Variants in UNC13D observed in about 807,000 individuals in gnomAD.
UNC13D encodes the protein unc-13 homolog D.
Under a neutral mutation model 151.7 loss-of-function variants are expected in UNC13D, and 115 were observed. That is an observed-to-expected ratio of 0.76 (90% confidence interval 0.65 to 0.88). The LOEUF (loss-of-function observed/expected upper bound fraction) is 0.88. Among genes scored for constraint, UNC13D ranks in the 40% least tolerant of loss-of-function variants. The pLI is 0.00. For synonymous variants in UNC13D, 588 were observed against 612.2 expected (o/e 0.96, Z 0.58); for missense variants, 1,369 against 1,438.7 (o/e 0.95, Z 0.78).
At position 75,828,772 on chromosome 17, in the gene UNC13D, T is replaced by G. The variant is rs760653269; in HGVS notation, c.3151+15A>C. 8.5e-6 allele frequency: 13 copies of G among 1,523,366 alleles called. No individual in the cohort carries two copies. Among genetic ancestry groups the G allele is most frequent in the Non-Finnish European group, 1.1e-5 (13 of 1,134,008 alleles). The allele number at this position is 1,523,366 out of a possible 1,614,324, so 94.4% of individuals were successfully genotyped here. ...CTCCCGTCCCCGCACCACCCTGCCC[T>G]GGGCTCAGGCCTACCGTTGGGTGCG... is the stretch of plus-strand genomic sequence containing the variant. On this transcript the variant is annotated intron_variant, in intron 31 of 31. Coordinates refer to ENST00000207549, the MANE Select transcript of UNC13D (RefSeq NM_199242.3).
intron 30 of UNC13D, chr17:75,829,749 C>G (rs1487521614): frequency 2.5e-6 from 1 of 401,150 alleles, no homozygotes; most frequent in Non-Finnish European, 4.7e-6. Context: ...CACCATCATG[C>G]CCGGCTAATT....
chr17:75,827,741 C>A lies in UNC13D; in HGVS notation c.*224G>T. 6.7e-7 allele frequency: 1 copy of A among 1,492,858 alleles called. No individual in the cohort carries two copies. 92.5% of individuals were successfully genotyped at this position (1,492,858 alleles called of 1,614,324 possible). On this transcript the variant is annotated 3_prime_UTR_variant, in exon 32 of 32. Transcript: ENST00000207549. ...GTGCTGGGATGTGGTAGAGACATTG[C>A]AGCCAGGGCTGGAGGCAGGGAGGCG... is the stretch of plus-strand genomic sequence containing the variant.
At chr17:75,829,073 G>C in intron 30 of UNC13D, 90 bp from the exon 31 acceptor site, 1 of 1,492,832 alleles carries the variant, frequency 6.7e-7, no homozygotes, top group South Asian at 1.2e-5. Context: ...TTGGGAACCA[G>C]CCAGGGTTTG....
At chr17:75,828,610 C>T (rs2062140035) in intron 31 of UNC13D, among the ~76,000 whole-genome samples, 177 bp downstream of exon 31, 1 of 152,238 alleles carries the variant, frequency 6.6e-6, no homozygotes, top group African/African-American at 2.4e-5. Flanking sequence ...AGTCACGTTA[C>T]ACTTAGCTTA....
At chr17:75,834,300 GT>G (rs1567818176) in intron 23 of UNC13D, 24 bp downstream of exon 23, 1 of 1,591,406 alleles carries the variant, frequency 6.3e-7, no homozygotes, top group Admixed American at 1.7e-5. Flanking sequence ...ATGGGATGGG[GT>G]GACTGTGCGG....
At chr17:75,829,449 C>G (rs2062145412) in intron 30 of UNC13D, among the ~76,000 whole-genome samples, 1 of 150,940 alleles carries the variant, frequency 6.6e-6, no homozygotes, top group Non-Finnish European at 1.5e-5. Context: ...GCGTGTCCCA[C>G]CACACCCAGC....
intron 17 of UNC13D, 33 bp from the exon 18 acceptor site, chr17:75,835,939 C>T: frequency 6.2e-7 from 1 of 1,614,176 alleles, no homozygotes; most frequent in South Asian, 1.1e-5. Context: ...CACCCAGTGG[C>T]ATACACCAGG....
chr17:75,830,605 C>G lies in UNC13D; in HGVS notation c.2682G>C (p.Lys894Asn). ...QAASSRELIR[K>N]YFCSRIQQQA... The stretch of plus-strand genomic sequence containing the variant: ...GCTGCTGGATTCGGCTGCAGAAGTA[C>G]TTCCGGATGAGTTCCCGGCTGGAGG... Residue 894 changes from lysine (K) to asparagine (N), a missense_variant, in exon 28 of 32, where the codon AAG (lysine) becomes AAC (asparagine). Physicochemically the swap from Lys to Asn is moderately conservative, Grantham distance 94. Transcript: ENST00000207549. 6.4e-7 allele frequency: 1 copy of G among 1,559,816 alleles called. No homozygotes were observed.
chr17:75,836,667 G>A lies in UNC13D; in HGVS notation c.1203C>T (p.Ser401=), dbSNP rs1028987648. Residue 401 remains serine (S), a synonymous_variant, in exon 14 of 32, where the codon TCC becomes TCT. Coordinates refer to ENST00000207549, the MANE Select transcript of UNC13D (RefSeq NM_199242.3). ...TGAGGGAGAGGCCGTAGGTCAGCAG[G>A]GAGCTGAATGAGGCGGCCAGCTCCT... ...QQEELAASFS[S]LLTYGLSLIR... The A allele has an allele frequency of 2.5e-6, 4 of 1,613,654 alleles. No homozygotes were observed.
At chr17:75,830,982 C>G (rs2064868140) in intron 27 of UNC13D, 116 bp downstream of exon 27, 2 of 1,249,948 alleles carry the variant, frequency 1.6e-6, no homozygotes, top group Admixed American at 4.8e-5. Flanking sequence ...ATAAGGGGCC[C>G]AGTTTTTCAT....
At position 75,832,652 on chromosome 17, in the gene UNC13D, A is replaced by T. The variant is rs772475775; in HGVS notation, c.2447+314T>A. The T allele has an allele frequency of 3.2e-6, 1 of 312,360 alleles. No homozygotes were observed. Among genetic ancestry groups the T allele is most frequent in the Non-Finnish European group, 6.4e-6 (1 of 156,252 alleles). 19.3% of individuals were successfully genotyped at this position (312,360 alleles called of 1,614,324 possible). A position where few individuals can be genotyped will look rare whatever the true frequency, so the allele number is the denominator to read the frequency against. On this transcript the variant is annotated intron_variant, in intron 25 of 31. Transcript: ENST00000207549. The surrounding 1 kb of genome is among the most constrained non-coding windows in gnomAD (Gnocchi z 4.3). ...AGATTTTGGCTCAGCCTAAGGAAGA[A>T]CTCAAAGCACTCAGAGCTAGGCAGC...
rs117441667 is a variant in UNC13D, at chr17:75,832,712, C to T, written c.2447+254G>A. 1,605 of 433,576 alleles carry T rather than the reference C, an allele frequency of 3.7e-3. 29 individuals are homozygous for T. Among genetic ancestry groups the T allele is most frequent in the Non-Finnish European group, 2.2e-3 (512 of 229,208 alleles). 26.9% of individuals were successfully genotyped at this position (433,576 alleles called of 1,614,324 possible). ...GGAGGCCTGAGAAGTGGCAAGCTCC[C>T]CGTCCCTGCAGCGAGCCTTAGCAGA... On this transcript the variant is annotated intron_variant, in intron 25 of 31. Transcript: ENST00000207549. This position sits in a 1 kb window ranked among gnomAD's most constrained non-coding sequence, Gnocchi z 4.3.
In UNC13D at chr17:75,836,069, T is replaced by C. The variant is rs2143880587; in HGVS notation, c.1487A>G (p.Gln496Arg). Residue 496 changes from glutamine (Q) to arginine (R), a missense_variant, in exon 17 of 32, where the codon CAG becomes CGG. Gln to Arg is a conservative substitution (Grantham distance 43). Around this residue, in one of 3 missense-constraint regions of UNC13D, gnomAD observed 807 missense variants for 795.5 expected, o/e 1.01. Coordinates refer to ENST00000207549, the MANE Select transcript of UNC13D (RefSeq NM_199242.3). ...CTGGTGCAGGTCGCCAATGACATCC[T>C]GTACCAGGCCCAGCAAGGCCTTGCC... ...EAGKALLGLV[Q>R]DVIGDLHQCQ... 1 of 1,613,820 alleles carries C rather than the reference T, an allele frequency of 6.2e-7. No homozygotes were observed. The highest frequency in any genetic ancestry group is 8.5e-7 in the Non-Finnish European group (1 of 1,180,022).
At position 75,836,274 on chromosome 17, in the gene UNC13D, G is replaced by C; in HGVS notation, c.1390-18C>G. On this transcript the variant is annotated intron_variant, in intron 15 of 31. Coordinates refer to ENST00000207549, the MANE Select transcript of UNC13D (RefSeq NM_199242.3). ...GTGCCAGTCTGTCGACAAAGAGGCA[G>C]TGAGCAGGGAGGGACTGCCAGGCCC... is the stretch of plus-strand genomic sequence containing the variant. 1 of 1,613,008 alleles carries C rather than the reference G, an allele frequency of 6.2e-7. No homozygotes were observed. The highest frequency in any genetic ancestry group is 1.1e-5 in the South Asian group (1 of 90,928).
intron 31 of UNC13D, 52 bp downstream of exon 31, chr17:75,828,735 G>C: frequency 6.8e-7 from 1 of 1,462,266 alleles, no homozygotes; most frequent in Non-Finnish European, 9.1e-7. Context: ...GCCCCTGCCT[G>C]AGCTTTACAG....
At chr17:75,843,934 T>C in intron 1 of UNC13D, 2 of 1,381,046 alleles carry the variant, frequency 1.4e-6, no homozygotes, top group African/African-American at 1.5e-5. Context: ...CCTAATGGAG[T>C]CGGCTCTTCT....
Position 75,828,064 on chromosome 17 carries a change from C to T in UNC13D, c.3174G>A (p.Leu1058=). ...CTTCTCGGTCACCCTTCCGGCCCTC[C>T]AGCAGCTGCAGGATTGGGTCCCCTG... is the stretch of plus-strand genomic sequence containing the variant. ...APNGDPILQL[L]EGRKGDREAQ... is the part of the protein sequence containing the mutation. Residue 1058 remains leucine, a synonymous_variant, in exon 32 of 32, where the codon CTG becomes CTA. Coordinates refer to ENST00000207549, the MANE Select transcript of UNC13D (RefSeq NM_199242.3). The T allele has an allele frequency of 1.3e-6, 2 of 1,573,748 alleles. No individual in the cohort carries two copies. Among genetic ancestry groups the T allele is most frequent in the Non-Finnish European group, 1.7e-6 (2 of 1,159,794 alleles).
rs373721287 is a variant in UNC13D, at chr17:75,844,307, G to A, written c.31C>T (p.Arg11Cys). 6.8e-6 allele frequency: 11 copies of A among 1,612,302 alleles called. No homozygotes were observed. Among genetic ancestry groups the A allele is most frequent in the African/African-American group, 4.0e-5 (3 of 74,928 alleles). Residue 11 changes from arginine to cysteine, a missense_variant, in exon 1 of 32, where the codon CGC becomes TGC. This residue lies in a region of UNC13D where 550 missense variants were observed against 609.0 expected (regional missense o/e 0.90). Transcript: ENST00000207549. ...ATGGCCTGGCGCAAGAAGGGAGGGC[G>A]CTGCTGCGGATGGGAGAGGAGTGTC... Reference protein sequence around the residue: MATLLSHPQQRPPFLRQAIKI... With the variant: MATLLSHPQQCPPFLRQAIKI...
rs2062134688 is a variant in UNC13D, at chr17:75,827,910, G to A, written c.*55C>T. On this transcript the variant is annotated 3_prime_UTR_variant, in exon 32 of 32. Coordinates refer to ENST00000207549, the MANE Select transcript of UNC13D (RefSeq NM_199242.3). ...TGGCGGGGAAGCCCCAGACCCTACA[G>A]GAAAGCCCTTGCAAGTCCCCACCGG... 3 of 1,589,614 alleles carry A rather than the reference G, an allele frequency of 1.9e-6. No individual in the cohort carries two copies. Among genetic ancestry groups the A allele is most frequent in the African/African-American group, 2.7e-5 (2 of 74,256 alleles).
Sources: gnomAD v4.1 joint callset for allele counts (sites outside exome capture counted in the v4.1 genomes callset) on GRCh38, gnomAD v4.1.1 for gene constraint, gnomAD v4.1.1 regional missense constraint, Gnocchi (gnomAD v3.1) non-coding constraint, MANE v1.5 for transcripts, NCBI Gene and HGNC (gene_info 2026-07-23, HGNC 2026-07-21) for gene names.